The following SRL variants were observed in gnomAD, a reference collection of about 807,000 sequenced individuals.
The protein encoded by SRL is sarcalumenin.
SRL carries 23 observed loss-of-function variants against 39.5 expected under a neutral mutation model. That is an observed-to-expected ratio of 0.58 (90% CI 0.42 to 0.82). The LOEUF (loss-of-function observed/expected upper bound fraction) is 0.82. Ranked by LOEUF, SRL falls within the 40% of genes least tolerant of loss-of-function variation. The pLI, the probability that SRL is intolerant of heterozygous loss-of-function variation, is 0.00. For missense variants in SRL, 592 were observed against 607.8 expected (o/e 0.97, Z 0.27); for synonymous variants, 272 against 237.4 (o/e 1.15, Z -1.34).
At chr16:4,206,021 C>G (rs924160963) in intron 1 of SRL, among the ~76,000 whole-genome samples, 3 of 152,126 alleles carry the variant, frequency 2.0e-5, no homozygotes, top group Non-Finnish European at 2.9e-5. Flanking sequence ...AAGACTTGAC[C>G]TCGACCTCTA....
chr16:4,209,061 T>G (rs2052361002), intron 1 of SRL, among the ~76,000 whole-genome samples: 2 of 151,850 alleles, frequency 1.3e-5, no homozygotes, highest in African/African-American at 4.8e-5. Flanking sequence ...TCACCTGAGG[T>G]TGGGAGTTTG....
chr16:4,235,098 G>C, intron 1 of SRL, among the ~76,000 whole-genome samples: 1 of 152,208 alleles, frequency 6.6e-6, no homozygotes, highest in East Asian at 1.9e-4. Context: ...GGCCCAGCCT[G>C]AGTAGGGAAG....
chr16:4,227,108 T>C (rs2052601455), intron 1 of SRL, among the ~76,000 whole-genome samples: 1 of 146,990 alleles, frequency 6.8e-6, no homozygotes, highest in African/African-American at 2.5e-5. Context: ...GATGGATAAA[T>C]GGGTGGATTG....
intron 1 of SRL, among the ~76,000 whole-genome samples, chr16:4,212,362 G>A (rs1399410688): frequency 6.6e-6 from 1 of 152,146 alleles, no homozygotes; most frequent in Non-Finnish European, 1.5e-5. Flanking sequence ...CTGTGCCACT[G>A]GACCCAGTTC....
In SRL at chr16:4,229,382, G is replaced by A. The variant is rs567750212; in HGVS notation, c.61+12625C>T. Among the ~76,000 whole-genome samples the A allele has an allele frequency of 4.6e-5, 7 of 152,114 alleles. No homozygotes were observed. In the South Asian group the frequency reaches 6.2e-4, roughly 14 times the overall value. On this transcript the variant is annotated intron_variant, in intron 1 of 5. Coordinates refer to ENST00000399609, the MANE Select transcript of SRL (RefSeq NM_001098814.2). Reference sequence around the variant, plus strand: ...TGGCGTGAACATGAACCCAGGAGGCGGAGCTTGCAGTGAGCCAAGATCACG... The same window carrying A: ...TGGCGTGAACATGAACCCAGGAGGCAGAGCTTGCAGTGAGCCAAGATCACG...
intron 1 of SRL, among the ~76,000 whole-genome samples, chr16:4,211,083 A>G (rs750218168): frequency 2.0e-5 from 3 of 151,928 alleles, no homozygotes; most frequent in Non-Finnish European, 2.9e-5. Context: ...TATTGAAATC[A>G]CCTGCTTCTT....
intron 1 of SRL, among the ~76,000 whole-genome samples, chr16:4,238,243 G>A (rs1382208074): frequency 6.6e-6 from 1 of 152,124 alleles, no homozygotes; most frequent in African/African-American, 2.4e-5. Flanking sequence ...CCATCCCACA[G>A]CCATGGCCCT....
chr16:4,210,991 G>C (rs887181847), intron 1 of SRL, among the ~76,000 whole-genome samples: 7 of 152,070 alleles, frequency 4.6e-5, no homozygotes, highest in African/African-American at 1.7e-4. Flanking sequence ...GGTGATTCCT[G>C]TGCACATTAC....
chr16:4,229,654 G>A (rs773169991), intron 1 of SRL, among the ~76,000 whole-genome samples: 2 of 151,918 alleles, frequency 1.3e-5, no homozygotes, highest in African/African-American at 2.4e-5. Context: ...AAGAGGACAA[G>A]TGTTGACAAA....
At chr16:4,211,166 A>G (rs1262045536) in intron 1 of SRL, among the ~76,000 whole-genome samples, 2 of 152,148 alleles carry the variant, frequency 1.3e-5, no homozygotes, top group Admixed American at 6.5e-5. Flanking sequence ...CATGATTAAA[A>G]AAAAAAAAAG....
At chr16:4,196,208 C>G (rs1421919780) in intron 4 of SRL, among the ~76,000 whole-genome samples, 1 of 152,092 alleles carries the variant, frequency 6.6e-6, no homozygotes, top group Non-Finnish European at 1.5e-5. Flanking sequence ...GATCTGCCCA[C>G]CTTGGCCTCC....
intron 2 of SRL, among the ~76,000 whole-genome samples, chr16:4,204,036 ACT>A (rs2141032590): frequency 6.6e-6 from 1 of 151,684 alleles, no homozygotes; most frequent in East Asian, 2.0e-4. Flanking sequence ...GGCTAGCGAG[ACT>A]CTACCCCTCG....
In SRL at chr16:4,192,453, A is replaced by T; in HGVS notation, c.1122T>A (p.Asp374Glu). The change falls in exon 6 of 6, where the codon GAT (aspartate) becomes GAA (glutamate). Residue 374 changes from aspartate (D) to glutamate (E), a missense_variant. Physicochemically the swap from Asp to Glu is conservative, Grantham distance 45 (BLOSUM62 2). Coordinates refer to ENST00000399609, the MANE Select transcript of SRL (RefSeq NM_001098814.2). The surrounding 1 kb of genome is among the most constrained non-coding windows in gnomAD (Gnocchi z 4.0). ...TCTTGAAGATGTAGAATTTATCGGG[A>T]TCTTCCACAATGTCCTTAAAGACCA... ...GELVFKDIVEDPDKFYIFKTI... is the reference protein window; with the variant it reads ...GELVFKDIVEEPDKFYIFKTI... 1 of 1,614,222 alleles carries T rather than the reference A, an allele frequency of 6.2e-7. No individual in the cohort carries two copies. The highest frequency in any genetic ancestry group is 8.5e-7 in the Non-Finnish European group (1 of 1,180,040).
chr16:4,202,971 G>A (rs527828882), intron 3 of SRL, among the ~76,000 whole-genome samples, 195 bp downstream of exon 3: 2 of 152,212 alleles, frequency 1.3e-5, no homozygotes, highest in East Asian at 1.9e-4. Context: ...GGGTAGTTCC[G>A]TGATGGAGGT....
At chr16:4,196,955 A>C (rs2052154888) in intron 4 of SRL, among the ~76,000 whole-genome samples, 2 of 151,812 alleles carry the variant, frequency 1.3e-5, no homozygotes, top group South Asian at 4.2e-4. Context: ...CCTTTCATCC[A>C]TTGATGAACA....
intron 1 of SRL, among the ~76,000 whole-genome samples, chr16:4,230,861 T>C (rs958150692): frequency 2.6e-5 from 4 of 151,328 alleles, no homozygotes; most frequent in African/African-American, 9.7e-5. Context: ...AGGCAGAGAG[T>C]GCAGTGATGA....
chr16:4,194,007 ATTACTACAAGATCTAT>A (rs1411653136), intron 5 of SRL, among the ~76,000 whole-genome samples: 1 of 151,894 alleles, frequency 6.6e-6, no homozygotes, highest in Non-Finnish European at 1.5e-5. Flanking sequence ...TGCTAATATC[ATTACTACAAGATCTAT>A]TTATAACCAC....
At chr16:4,197,187 G>A (rs1401365362) in intron 4 of SRL, among the ~76,000 whole-genome samples, 1 of 143,728 alleles carries the variant, frequency 7.0e-6, no homozygotes, top group Non-Finnish European at 1.5e-5. Flanking sequence ...CGCTGCCTCA[G>A]CCTCCCAAGT....
At chr16:4,210,486 C>CTTTTTTTTTTTTTTT (rs555999418) in intron 1 of SRL, among the ~76,000 whole-genome samples, 3 of 104,014 alleles carry the variant, frequency 2.9e-5, no homozygotes, top group Non-Finnish European at 1.8e-5. Flanking sequence ...TTACTCATAT[C>CTTTTTTTTTTTTTTT]TTTTTTTTTT....
Sources: allele counts gnomAD v4.1 joint callset (sites outside exome capture counted in the v4.1 genomes callset), GRCh38; gene constraint gnomAD v4.1.1; non-coding constraint Gnocchi (gnomAD v3.1); transcripts MANE v1.5; gene names NCBI Gene and HGNC (gene_info 2026-07-23, HGNC 2026-07-21).